Variants in ACBD6 observed in about 807,000 individuals in gnomAD.
ACBD6 encodes acyl-CoA-binding domain-containing protein 6.
A neutral mutation model predicts 37.2 loss-of-function variants in ACBD6; 28 were observed. That is an observed-to-expected ratio of 0.75 (90% CI 0.56 to 1.03). The LOEUF is 1.03. Among genes scored for constraint, ACBD6 ranks in the 50% least tolerant of loss-of-function variants. ACBD6 has a pLI of 0.00. For missense variants in ACBD6, 340 were observed against 337.4 expected, an observed-to-expected ratio of 1.01 and a Z score of -0.06; for synonymous variants, 113 against 126.8, an observed-to-expected ratio of 0.89 and a Z score of 0.73.
chr1:180,400,675 T>C (rs903630875), intron 5 of ACBD6, among the ~76,000 whole-genome samples: 1 of 152,196 alleles, frequency 6.6e-6, no homozygotes, highest in Non-Finnish European at 1.5e-5. Flanking sequence ...ATAAAATTCC[T>C]ATAAACATGC....
chr1:180,293,902 C>CTTT (rs111680045), intron 7 of ACBD6, among the ~76,000 whole-genome samples: 2 of 147,764 alleles, frequency 1.4e-5, no homozygotes, highest in African/African-American at 5.0e-5. Flanking sequence ...CTTCTATTTC[C>CTTT]TTTTTTTTTT....
At position 180,502,337 on chromosome 1, in the gene ACBD6, G is replaced by A. The variant is rs1160152072; in HGVS notation, c.-71C>T. On this transcript the variant is annotated 5_prime_UTR_variant, in exon 1 of 8. Transcript: ENST00000367595. Reference sequence around the variant, plus strand: ...GGATTGGGTGTAAGGCCGGCTTGGAGGCCTGGCCCACCAGTCTGGGTCGCG... The same window carrying A: ...GGATTGGGTGTAAGGCCGGCTTGGAAGCCTGGCCCACCAGTCTGGGTCGCG... The A allele has an allele frequency of 3.2e-6, 5 of 1,544,104 alleles. No homozygotes were observed. The highest frequency in any genetic ancestry group is 1.4e-5 in the African/African-American group (1 of 73,580).
At chr1:180,377,599 G>A (rs1034590410) in intron 6 of ACBD6, among the ~76,000 whole-genome samples, 3 of 152,152 alleles carry the variant, frequency 2.0e-5, no homozygotes, top group Admixed American at 6.5e-5. Flanking sequence ...ATCACCATTA[G>A]GCAAATACCA....
At chr1:180,297,472 A>G (rs2149281750) in intron 7 of ACBD6, among the ~76,000 whole-genome samples, 1 of 152,318 alleles carries the variant, frequency 6.6e-6, no homozygotes, top group East Asian at 1.9e-4. Flanking sequence ...CTACCAAGAT[A>G]CAGATATTAA....
At chr1:180,496,459 C>T (rs765562672) in intron 1 of ACBD6, among the ~76,000 whole-genome samples, 1 of 152,114 alleles carries the variant, frequency 6.6e-6, no homozygotes, top group Non-Finnish European at 1.5e-5. Flanking sequence ...CACTGTTTCC[C>T]ATTACTCTAA....
chr1:180,287,086 G>A (rs1229690347), downstream of ACBD6: 1 of 152,092 alleles, frequency 6.6e-6, no homozygotes, highest in Non-Finnish European at 1.5e-5. Flanking sequence ...GGGGCTTACA[G>A]GGAAAATGTT....
At chr1:180,346,556 T>C (rs558063083) in intron 6 of ACBD6, among the ~76,000 whole-genome samples, 1 of 152,056 alleles carries the variant, frequency 6.6e-6, no homozygotes, top group South Asian at 2.1e-4. Flanking sequence ...AGGAGAGGGA[T>C]GGTGTCTAGG....
intron 6 of ACBD6, among the ~76,000 whole-genome samples, chr1:180,394,391 G>GTTT (rs201149746): frequency 6.8e-6 from 1 of 146,930 alleles, no homozygotes; most frequent in Admixed American, 6.8e-5. Flanking sequence ...CATCTGGCCA[G>GTTT]TTTTTTTTTT....
chr1:180,288,824 T>C (rs923401335), intron 7 of ACBD6, among the ~76,000 whole-genome samples: 2 of 152,120 alleles, frequency 1.3e-5, no homozygotes, highest in Non-Finnish European at 1.5e-5. Flanking sequence ...GAATAAAAAA[T>C]AGTATTTAAG....
intron 9 of ACBD6, chr1:180,281,231 G>A (rs1481023472): frequency 6.6e-6 from 1 of 152,088 alleles, no homozygotes; most frequent in Non-Finnish European, 1.5e-5. Flanking sequence ...TTCTGACAGT[G>A]GTTTTCCAAA....
intron 6 of ACBD6, among the ~76,000 whole-genome samples, chr1:180,370,358 T>C (rs545526036): frequency 6.6e-6 from 1 of 152,246 alleles, no homozygotes; most frequent in South Asian, 2.1e-4. Flanking sequence ...CACATGTACA[T>C]GTGTTTTAGG....
At chr1:180,479,086 T>C (rs1375621056) in intron 3 of ACBD6, among the ~76,000 whole-genome samples, 3 of 152,148 alleles carry the variant, frequency 2.0e-5, no homozygotes, top group African/African-American at 4.8e-5. Flanking sequence ...TGAGCTAGGA[T>C]TGCACCACTG....
intron 4 of ACBD6, among the ~76,000 whole-genome samples, chr1:180,414,839 G>A (rs548585501): frequency 5.9e-4 from 89 of 152,128 alleles, no homozygotes; most frequent in African/African-American, 2.1e-3. Flanking sequence ...ATGCTTTTTC[G>A]ATCACTTATT....
At chr1:180,387,571 C>G (rs1392427888) in intron 6 of ACBD6, among the ~76,000 whole-genome samples, 1 of 152,178 alleles carries the variant, frequency 6.6e-6, no homozygotes, top group Non-Finnish European at 1.5e-5. Flanking sequence ...TGGGCAGGAA[C>G]TGAAAGCTCA....
At chr1:180,381,560 AG>A (rs1313992170) in intron 6 of ACBD6, among the ~76,000 whole-genome samples, 1 of 152,214 alleles carries the variant, frequency 6.6e-6, no homozygotes, top group Non-Finnish European at 1.5e-5. Flanking sequence ...CAATAACAAC[AG>A]GAACTTTGGA....
At chr1:180,500,829 TAAAA>T (rs397982142) in intron 1 of ACBD6, among the ~76,000 whole-genome samples, 37 of 111,740 alleles carry the variant, frequency 3.3e-4, no homozygotes, top group African/African-American at 8.4e-4. Flanking sequence ...AGACCCTCTG[TAAAA>T]AAAAAAAAAA....
At position 180,335,716 on chromosome 1, in the gene ACBD6, C is replaced by T. The variant is rs1245937749; in HGVS notation, c.664-20994G>A. Among the ~76,000 whole-genome samples, 2 of 146,648 alleles carry T rather than the reference C, an allele frequency of 1.4e-5. 1 individual carries two copies. The highest frequency in any genetic ancestry group is 3.1e-5 in the Non-Finnish European group (2 of 65,002). On this transcript the variant is annotated intron_variant, in intron 6 of 7. Coordinates refer to ENST00000367595, the MANE Select transcript of ACBD6 (RefSeq NM_032360.4). ...GCTCCAATTAAAAGACACAGACTGG[C>T]AAACTGGGTAAAGAGTCAAGACCCA... is the stretch of plus-strand genomic sequence containing the variant.
chr1:180,481,802 AG>A (rs1223977281), intron 3 of ACBD6, among the ~76,000 whole-genome samples: 2 of 152,246 alleles, frequency 1.3e-5, no homozygotes, highest in African/African-American at 4.8e-5. Flanking sequence ...GAGAATTATA[AG>A]GAAATTAGAA....
intron 3 of ACBD6, among the ~76,000 whole-genome samples, chr1:180,455,929 T>C (rs1360132742): frequency 1.3e-5 from 2 of 152,196 alleles, no homozygotes; most frequent in African/African-American, 2.4e-5. Context: ...CTTTTATTAT[T>C]GTCAGACTTA....
Sources: allele counts gnomAD v4.1 joint callset (sites outside exome capture counted in the v4.1 genomes callset), GRCh38; gene constraint gnomAD v4.1.1; transcripts MANE v1.5; gene names NCBI Gene and HGNC (gene_info 2026-07-23, HGNC 2026-07-21).